Variants in DOCK3 observed in about 807,000 individuals in gnomAD.
DOCK3 encodes dedicator of cytokinesis protein 3.
Under a neutral mutation model 265.6 loss-of-function variants are expected in DOCK3, and 60 were observed. The ratio of observed to expected loss-of-function variants is 0.23; its 90% confidence interval spans 0.18 to 0.28. DOCK3 has a LOEUF of 0.28. DOCK3 is among the 10% of genes least tolerant of loss of function. DOCK3 has a pLI of 1.00. For synonymous variants in DOCK3, 881 were observed against 938.0 expected (o/e 0.94, Z 1.11); for missense variants, 1,981 against 2,594.3 (o/e 0.76, Z 5.14).
At chr3:51,261,942 T>A (rs570071061) in intron 23 of DOCK3, among the ~76,000 whole-genome samples, 123 of 152,218 alleles carry the variant, frequency 8.1e-4, no homozygotes, top group Non-Finnish European at 1.4e-3. Flanking sequence ...AACTCCCATC[T>A]CCCTGGGATA....
intron 9 of DOCK3, among the ~76,000 whole-genome samples, chr3:51,144,144 A>C (rs1197138417): frequency 6.6e-6 from 1 of 152,186 alleles, no homozygotes; most frequent in East Asian, 1.9e-4. Flanking sequence ...TTAATTGACT[A>C]TGTGTATGTG....
chr3:51,216,069 C>T (rs936066225), intron 14 of DOCK3, among the ~76,000 whole-genome samples: 2 of 151,656 alleles, frequency 1.3e-5, no homozygotes, highest in Non-Finnish European at 2.9e-5. Context: ...GGTATCTAGG[C>T]TTATGTGGTG....
intron 10 of DOCK3, among the ~76,000 whole-genome samples, chr3:51,154,304 A>C (rs550785784): frequency 6.6e-6 from 1 of 152,354 alleles, no homozygotes; most frequent in South Asian, 2.1e-4. Flanking sequence ...TGAGCTTAGC[A>C]GTAAAGGCTT....
chr3:51,106,681 A>G (rs2083293238), intron 9 of DOCK3, among the ~76,000 whole-genome samples: 1 of 152,198 alleles, frequency 6.6e-6, no homozygotes, highest in African/African-American at 2.4e-5. Context: ...GCCGGCATCA[A>G]CGCATACAGT....
intron 5 of DOCK3, among the ~76,000 whole-genome samples, chr3:51,028,498 T>C (rs1340957424): frequency 3.3e-5 from 5 of 152,222 alleles, no homozygotes; most frequent in Admixed American, 2.0e-4. Flanking sequence ...TTCTGAATTA[T>C]ACCCTCAAAT....
intron 27 of DOCK3, among the ~76,000 whole-genome samples, chr3:51,285,300 T>C (rs2081346528): frequency 6.6e-6 from 1 of 151,812 alleles, no homozygotes; most frequent in Non-Finnish European, 1.5e-5. Flanking sequence ...GGAAAATAAA[T>C]AGGAGTATAT....
intron 3 of DOCK3, among the ~76,000 whole-genome samples, chr3:50,843,403 C>T (rs1166402304): frequency 3.9e-5 from 6 of 152,020 alleles, no homozygotes; most frequent in Non-Finnish European, 8.8e-5. Context: ...TCTATGTAGT[C>T]TCGGGGTTTC....
chr3:50,694,987 G>A (rs1437835146), intron 1 of DOCK3, among the ~76,000 whole-genome samples: 2 of 152,146 alleles, frequency 1.3e-5, no homozygotes, highest in South Asian at 2.1e-4. Context: ...AAGCCGAAAG[G>A]TTAGCAGATT....
intron 40 of DOCK3, among the ~76,000 whole-genome samples, chr3:51,352,508 C>T (rs2086066006): frequency 6.6e-6 from 1 of 152,166 alleles, no homozygotes; most frequent in Non-Finnish European, 1.5e-5. Context: ...TCACAAGTAA[C>T]AGTCCAAATG....
chr3:51,211,676 C>T (rs1245964060), intron 13 of DOCK3, among the ~76,000 whole-genome samples: 2 of 152,108 alleles, frequency 1.3e-5, no homozygotes, highest in Admixed American at 6.5e-5. Context: ...CATGTCCCTA[C>T]AAAGGACATG....
At chr3:51,208,589 C>T (rs1295633973) in intron 12 of DOCK3, among the ~76,000 whole-genome samples, 185 bp from the exon 13 acceptor site, 1 of 152,166 alleles carries the variant, frequency 6.6e-6, no homozygotes, top group African/African-American at 2.4e-5. Context: ...AGTTTCTATC[C>T]TTTGCCCAAG....
chr3:51,149,127 T>G (rs1233986159), intron 10 of DOCK3, among the ~76,000 whole-genome samples: 6 of 152,234 alleles, frequency 3.9e-5, no homozygotes, highest in African/African-American at 7.2e-5. Flanking sequence ...AGTTCACTCA[T>G]GATTTGGCTC....
intron 9 of DOCK3, among the ~76,000 whole-genome samples, chr3:51,132,895 T>C (rs138075285): frequency 2.0e-5 from 3 of 152,286 alleles, no homozygotes; most frequent in African/African-American, 7.2e-5. Context: ...TCCCCAGTCA[T>C]GTCAGCATCC....
Position 51,256,598 on chromosome 3 carries a change from T to TG in DOCK3, c.2185-3558_2185-3557insG, listed in dbSNP as rs200301237. On this transcript the variant is annotated intron_variant, in intron 22 of 52. Transcript: ENST00000266037. ...GAGCTTGAGTTTTCGTTTTTGTTTT[T>TG]TTTTTTTTTTTTTAGATGGAGTCTC... Among the ~76,000 whole-genome samples the TG allele has an allele frequency of 1.0e-3, 155 of 150,538 alleles. 5 individuals carry two copies. In the East Asian group the frequency reaches 0.026, roughly 25 times the overall value.
intron 9 of DOCK3, among the ~76,000 whole-genome samples, chr3:51,124,943 A>G (rs1048862764): frequency 2.0e-5 from 3 of 146,988 alleles, no homozygotes; most frequent in African/African-American, 7.6e-5. Flanking sequence ...CAGCCTGGCC[A>G]ACATGGTGAA....
At chr3:50,927,940 C>T (rs1427172702) in intron 4 of DOCK3, among the ~76,000 whole-genome samples, 3 of 152,056 alleles carry the variant, frequency 2.0e-5, no homozygotes, top group African/African-American at 7.2e-5. Flanking sequence ...GTTTTTCCAC[C>T]TCTCTCCCAT....
At chr3:51,025,130 T>C (rs1357826372) in intron 5 of DOCK3, among the ~76,000 whole-genome samples, 1 of 152,032 alleles carries the variant, frequency 6.6e-6, no homozygotes, top group Admixed American at 6.6e-5. Flanking sequence ...GGGCTACAAG[T>C]CTCCTAAAAG....
At chr3:51,086,357 A>G (rs1285093599) in intron 7 of DOCK3, among the ~76,000 whole-genome samples, 1 of 152,238 alleles carries the variant, frequency 6.6e-6, no homozygotes, top group Non-Finnish European at 1.5e-5. Context: ...TGTGGGCATC[A>G]TGGCCATCAT....
chr3:50,817,098 G>A (rs2085587), intron 2 of DOCK3, among the ~76,000 whole-genome samples: 14,370 of 152,212 alleles, frequency 0.094, 840 homozygotes, highest in Non-Finnish European at 0.12. Context: ...CCAAACATGG[G>A]GTGGATTATT....
Sources: gnomAD v4.1 joint callset for allele counts (sites outside exome capture counted in the v4.1 genomes callset) on GRCh38, gnomAD v4.1.1 for gene constraint, MANE v1.5 for transcripts, NCBI Gene and HGNC (gene_info 2026-07-23, HGNC 2026-07-21) for gene names.